The following LINGO2 variants were observed in gnomAD, a reference collection of about 807,000 sequenced individuals.
LINGO2 encodes leucine-rich repeat and immunoglobulin-like domain-containing nogo receptor-interacting protein 2.
In LINGO2, 14 loss-of-function variants were observed where a neutral mutation model predicts 30.6. The observed-to-expected ratio is 0.46, with a 90% CI of 0.30 to 0.72. The LOEUF is 0.72. Ranked by LOEUF, LINGO2 falls within the 30% of genes least tolerant of loss-of-function variation. LINGO2 has a pLI of 0.07. For missense variants in LINGO2, 729 were observed against 751.7 expected, an observed-to-expected ratio of 0.97 and a Z score of 0.35; for synonymous variants, 317 against 288.5, an observed-to-expected ratio of 1.10 and a Z score of -1.00.
the LINGO2 span, among the ~76,000 whole-genome samples, chr9:29,203,752 A>G: frequency 7.9e-5 from 12 of 152,118 alleles, no homozygotes; most frequent in Admixed American, 3.3e-4. Context: ...TATTATCCAC[A>G]CAGCACTTAG....
At chr9:29,183,873 C>T in the LINGO2 span, among the ~76,000 whole-genome samples, 23 of 150,808 alleles carry the variant, frequency 1.5e-4, no homozygotes, top group African/African-American at 4.6e-4. Context: ...CTCAGTCTTC[C>T]GTTCACACTG....
the LINGO2 span, among the ~76,000 whole-genome samples, chr9:29,067,787 A>T: frequency 6.7e-6 from 1 of 149,556 alleles, no homozygotes; most frequent in Non-Finnish European, 1.5e-5. Context: ...AGGGCTAATG[A>T]GCATATTTTT....
At chr9:28,055,379 C>T (rs1178796456) in intron 4 of LINGO2, among the ~76,000 whole-genome samples, 1 of 152,042 alleles carries the variant, frequency 6.6e-6, no homozygotes, top group Non-Finnish European at 1.5e-5. Context: ...AAGCTTCAGC[C>T]AAGGAGTCTG....
the LINGO2 span, among the ~76,000 whole-genome samples, chr9:28,934,495 G>T: frequency 2.0e-5 from 3 of 152,088 alleles, no homozygotes; most frequent in Non-Finnish European, 4.4e-5. Flanking sequence ...TCTGTCACAA[G>T]CTGTAAACAA....
At chr9:28,044,777 G>T (rs889814106) in intron 4 of LINGO2, among the ~76,000 whole-genome samples, 1 of 28,350 alleles carries the variant, frequency 3.5e-5, no homozygotes, top group Admixed American at 5.4e-4. Flanking sequence ...CATGTGTCTT[G>T]GCTTCTCTCT....
At chr9:28,136,247 G>A (rs754218069) in intron 4 of LINGO2, among the ~76,000 whole-genome samples, 1 of 152,326 alleles carries the variant, frequency 6.6e-6, no homozygotes, top group South Asian at 2.1e-4. Flanking sequence ...ACTACTAGTT[G>A]ATAATCAAGG....
chr9:29,176,922 A>T, the LINGO2 span, among the ~76,000 whole-genome samples: 7 of 152,340 alleles, frequency 4.6e-5, no homozygotes, highest in East Asian at 1.4e-3. Flanking sequence ...AATTCGAATC[A>T]AGAGAAAAGT....
the LINGO2 span, among the ~76,000 whole-genome samples, chr9:29,001,848 A>G: frequency 6.6e-6 from 1 of 151,994 alleles, no homozygotes; most frequent in Non-Finnish European, 1.5e-5. Flanking sequence ...GGCAACCTCA[A>G]ATAGCAAATA....
At chr9:28,694,190 A>G in the LINGO2 span, among the ~76,000 whole-genome samples, 1 of 151,992 alleles carries the variant, frequency 6.6e-6, no homozygotes, top group African/African-American at 2.4e-5. Flanking sequence ...TTTCAAATAA[A>G]GATTGCAAGT....
chr9:28,383,203 C>T (rs1468596456), intron 2 of LINGO2, among the ~76,000 whole-genome samples: 1 of 151,394 alleles, frequency 6.6e-6, no homozygotes, highest in Non-Finnish European at 1.5e-5. Context: ...GGGTTGCTAG[C>T]AGCACTCACT....
chr9:28,674,655 C>T (rs761149407), upstream of LINGO2, among the ~76,000 whole-genome samples: 24 of 152,082 alleles, frequency 1.6e-4, no homozygotes, highest in Non-Finnish European at 3.5e-4. Flanking sequence ...ATGACATCTT[C>T]TCTCAAAAGG....
chr9:28,068,902 A>T (rs1398356695), intron 4 of LINGO2, among the ~76,000 whole-genome samples: 1 of 152,154 alleles, frequency 6.6e-6, no homozygotes, highest in Non-Finnish European at 1.5e-5. Flanking sequence ...TGCTTACTAT[A>T]ATCACTGCAG....
intron 4 of LINGO2, among the ~76,000 whole-genome samples, chr9:28,186,151 A>G (rs1375020754): frequency 6.6e-6 from 1 of 152,140 alleles, no homozygotes; most frequent in Non-Finnish European, 1.5e-5. Context: ...GCCTTTTGGT[A>G]CAATTTGACT....
the LINGO2 span, among the ~76,000 whole-genome samples, chr9:28,689,001 G>C: frequency 6.6e-6 from 1 of 152,158 alleles, no homozygotes; most frequent in Admixed American, 6.5e-5. Context: ...CCTTGATCCT[G>C]AGTGAGTATG....
chr9:28,911,528 G>T, the LINGO2 span, among the ~76,000 whole-genome samples: 1 of 151,926 alleles, frequency 6.6e-6, no homozygotes, highest in African/African-American at 2.4e-5. Context: ...GAAAATAACA[G>T]AATTGTAAAT....
chr9:28,060,605 T>G (rs554564169), intron 4 of LINGO2, among the ~76,000 whole-genome samples: 1 of 152,182 alleles, frequency 6.6e-6, no homozygotes, highest in Non-Finnish European at 1.5e-5. Flanking sequence ...ATTATTATTA[T>G]ACAACCCTGC....
At chr9:28,475,872 T>C (rs1332519850) in intron 2 of LINGO2, 68 bp downstream of exon 4, 1 of 152,628 alleles carries the variant, frequency 6.6e-6, no homozygotes, top group African/African-American at 2.4e-5. Context: ...TTATAAACTA[T>C]GCAGACTTTT....
chr9:28,484,034 G>A (rs1480165358), intron 1 of LINGO2, among the ~76,000 whole-genome samples: 6 of 152,110 alleles, frequency 3.9e-5, no homozygotes, highest in Admixed American at 3.3e-4. Context: ...TCTACAGCCT[G>A]GGCATTTAAT....
chr9:28,603,243 T>G (rs907663485), intron 1 of LINGO2, among the ~76,000 whole-genome samples: 1 of 152,050 alleles, frequency 6.6e-6, no homozygotes, highest in African/African-American at 2.4e-5. Context: ...TGACTTGTAT[T>G]TTAAATAATC....
Sources: allele counts gnomAD v4.1 joint callset (sites outside exome capture counted in the v4.1 genomes callset), GRCh38; gene constraint gnomAD v4.1.1; transcripts MANE v1.5; gene names NCBI Gene and HGNC (gene_info 2026-07-23, HGNC 2026-07-21).